The following KIR2DL4 variants were observed in gnomAD, a reference collection of about 807,000 sequenced individuals.
KIR2DL4 encodes killer cell immunoglobulin-like receptor 2DL4.
Under a neutral mutation model 31.0 loss-of-function variants are expected in KIR2DL4, and 41 were observed. That is an observed-to-expected ratio of 1.32 (90% CI 1.03 to 1.72). KIR2DL4 has a LOEUF of 1.72. Ranked by LOEUF, KIR2DL4 falls within the 40% of genes most tolerant of loss-of-function variation. KIR2DL4 has a pLI of 0.00. For missense variants in KIR2DL4, 438 were observed against 353.7 expected, an observed-to-expected ratio of 1.24 and a Z score of -1.91; for synonymous variants, 164 against 133.6, an observed-to-expected ratio of 1.23 and a Z score of -1.57.
intron 5 of KIR2DL4, chr19:54,813,094 A>C: frequency 7.0e-7 from 1 of 1,422,166 alleles, no homozygotes; most frequent in Non-Finnish European, 9.6e-7. Context: ...TGCTATGGTT[A>C]GCTTCTTATT....
intron 5 of KIR2DL4, among the ~76,000 whole-genome samples, chr19:54,809,534 A>T (rs2060729305): frequency 6.6e-6 from 1 of 151,266 alleles, no homozygotes; most frequent in Non-Finnish European, 1.5e-5. Context: ...CTGGGCTAAA[A>T]TCAAGGTGAC....
chr19:54,813,115 C>T, intron 5 of KIR2DL4: 2 of 1,440,140 alleles, frequency 1.4e-6, no homozygotes, highest in Non-Finnish European at 1.9e-6. Context: ...GGATTCCCAT[C>T]TTCCTCCAGG....
At chr19:54,805,025 C>A in exon 3 of KIR2DL4, 1 of 1,611,226 alleles carries the variant, frequency 6.2e-7, no homozygotes, top group Non-Finnish European at 8.5e-7. Flanking sequence ...TTCACCCGCA[C>A]TCCCCCACTG....
chr19:54,804,824 G>A lies in KIR2DL4; in HGVS notation c.108G>A (p.Trp36Ter), dbSNP rs532657894. Reference sequence around the variant, plus strand: ...AGGACAAGCCCTTCTGCTCTGCCTGGCCCAGCGCTGTGGTGCCTCAAGGAG... The same window carrying A: ...AGGACAAGCCCTTCTGCTCTGCCTGACCCAGCGCTGTGGTGCCTCAAGGAG... The change falls in exon 3 of 8, where the codon TGG (tryptophan) becomes TGA (stop). Residue 36 changes from tryptophan (W) to a stop codon, truncating the protein, a stop_gained. Transcript: ENST00000359085. LOFTEE classifies it high-confidence loss of function. 9.9e-6 allele frequency: 16 copies of A among 1,612,240 alleles called. 1 individual carries two copies. The highest frequency in any genetic ancestry group is 1.3e-5 in the African/African-American group (1 of 74,346).
exon 6 of KIR2DL4, chr19:54,813,137 A>G: frequency 6.7e-7 from 1 of 1,493,074 alleles, no homozygotes; most frequent in Non-Finnish European, 9.2e-7. Context: ...ATCGCCAGAC[A>G]CCTGCATGCT....
chr19:54,806,278 G>C, intron 4 of KIR2DL4, 34 bp downstream of exon 4: 1 of 1,595,822 alleles, frequency 6.3e-7, no homozygotes, highest in South Asian at 1.1e-5. Flanking sequence ...CATGTCCTAT[G>C]GTCCTAGAGC....
intron 2 of KIR2DL4, 122 bp downstream of exon 2, chr19:54,804,048 G>A (rs1317740056): frequency 1.1e-6 from 1 of 919,706 alleles, no homozygotes; most frequent in Middle Eastern, 2.5e-4. Flanking sequence ...GGCCTGGGGG[G>A]AGTCTCTCAT....
At chr19:54,803,644 G>A in exon 1 of KIR2DL4, 1 of 1,612,352 alleles carries the variant, frequency 6.2e-7, no homozygotes, top group South Asian at 1.1e-5. Flanking sequence ...GGCAGCAGAA[G>A]CTGCACCATG....
In KIR2DL4 at chr19:54,806,147, T is replaced by C. The variant is rs1362762166; in HGVS notation, c.558T>C (p.Pro186=). ...TCCAGGCCGACTTCCCTCTGGGTCCTGCCACCCACGGAGAGACCTACAGAT... is the reference window on the plus strand; with the variant it reads ...TCCAGGCCGACTTCCCTCTGGGTCCCGCCACCCACGGAGAGACCTACAGAT... The change falls in exon 4 of 8, where the codon CCT becomes CCC. Residue 186 remains proline, a synonymous_variant. Transcript: ENST00000359085. The C allele has an allele frequency of 6.2e-6, 10 of 1,612,090 alleles. No homozygotes were observed. In the African/African-American group the frequency reaches 1.3e-4, roughly 22 times the overall value.
In KIR2DL4 at chr19:54,803,882, T is replaced by C. The variant is rs1338840899; in HGVS notation, c.41-9T>C. The C allele has an allele frequency of 1.2e-6, 2 of 1,609,630 alleles. No homozygotes were observed. Among genetic ancestry groups the C allele is most frequent in the Non-Finnish European group, 1.7e-6 (2 of 1,178,352 alleles). On this transcript the variant is annotated splice_polypyrimidine_tract_variant and intron_variant, in intron 1 of 7. Coordinates refer to ENST00000359085, the Ensembl canonical transcript of KIR2DL4. ...GAGATGAATAGTTCATCATGATCTTTCTTTGCAGGGTTCTTCTTGGACCAG... is the reference window on the plus strand; with the variant it reads ...GAGATGAATAGTTCATCATGATCTTCCTTTGCAGGGTTCTTCTTGGACCAG...
exon 8 of KIR2DL4, chr19:54,813,863 C>T: frequency 6.2e-7 from 1 of 1,612,410 alleles, no homozygotes; most frequent in Non-Finnish European, 8.5e-7. Flanking sequence ...ACAAGACCCT[C>T]AGGAGGTGAC....
chr19:54,808,762 C>T (rs1254087664), intron 4 of KIR2DL4, 71 bp from the exon 5 acceptor site: 17 of 1,141,758 alleles, frequency 1.5e-5, no homozygotes, highest in African/African-American at 1.9e-5. Context: ...CATGAACCAA[C>T]CTCAAAGATT....
At chr19:54,808,332 G>T (rs1399843666) in intron 4 of KIR2DL4, among the ~76,000 whole-genome samples, 3 of 151,144 alleles carry the variant, frequency 2.0e-5, no homozygotes, top group African/African-American at 7.3e-5. Flanking sequence ...ACATTTAATG[G>T]ATTCAGGTCT....
chr19:54,806,845 A>G (rs1195540008), intron 4 of KIR2DL4, among the ~76,000 whole-genome samples: 2 of 149,708 alleles, frequency 1.3e-5, no homozygotes, highest in African/African-American at 5.0e-5. Flanking sequence ...AATCTTTACT[A>G]AAAAGACAAA....
rs1201298718 is a variant in KIR2DL4 at position 54,804,905 on chromosome 19, CA to C, written c.191del (p.Lys64ArgfsTer24). ...GTGGGTTTAACATCTTCACGCTGTA[CA>C]AGAAAGATGGGGTCCCTGTCCCTGA... On this transcript the variant is annotated frameshift_variant, in exon 3 of 8. Coordinates refer to ENST00000359085, the Ensembl canonical transcript of KIR2DL4. LOFTEE classifies it high-confidence loss of function. The C allele has an allele frequency of 6.2e-7, 1 of 1,612,116 alleles. No homozygotes were observed.
chr19:54,804,672 C>A, intron 2 of KIR2DL4, 121 bp from the exon 3 acceptor site: 1 of 1,076,266 alleles, frequency 9.3e-7, no homozygotes, highest in South Asian at 1.5e-5. Flanking sequence ...TTCCTGTAGC[C>A]CCAGGCACCC....
chr19:54,807,706 G>A (rs1195441510), intron 4 of KIR2DL4, among the ~76,000 whole-genome samples: 1 of 149,404 alleles, frequency 6.7e-6, no homozygotes, highest in African/African-American at 2.5e-5. Context: ...CCAAGGTGCT[G>A]GGATTACAAG....
intron 3 of KIR2DL4, among the ~76,000 whole-genome samples, chr19:54,805,483 A>G (rs2060457686): frequency 6.6e-6 from 1 of 151,370 alleles, no homozygotes; most frequent in Admixed American, 6.6e-5. Flanking sequence ...TTGAAGGTGG[A>G]GGAAGACCAC....
At chr19:54,813,604 C>T (rs2061009824) in intron 6 of KIR2DL4, 86 bp from the exon 6 acceptor site, 2 of 1,396,988 alleles carry the variant, frequency 1.4e-6, no homozygotes, top group Non-Finnish European at 2.0e-6. Flanking sequence ...GCACCTATGG[C>T]CTCCCCCTGT....
Sources: gnomAD v4.1 joint callset for allele counts (sites outside exome capture counted in the v4.1 genomes callset) on GRCh38, gnomAD v4.1.1 for gene constraint, MANE v1.5 for transcripts, NCBI Gene and HGNC (gene_info 2026-07-23, HGNC 2026-07-21) for gene names.